Variants in PDE1A observed in about 807,000 individuals in gnomAD.
PDE1A encodes the protein dual specificity calcium/calmodulin-dependent 3',5'-cyclic nucleotide phosphodiesterase 1A.
A neutral mutation model predicts 61.7 loss-of-function variants in PDE1A; 35 were observed. That is an observed-to-expected ratio of 0.57 (90% CI 0.43 to 0.75). The LOEUF is 0.75. PDE1A is among the 30% of genes least tolerant of loss of function. PDE1A has a pLI of 0.00. For missense variants in PDE1A, 597 were observed against 630.6 expected, an observed-to-expected ratio of 0.95 and a Z score of 0.57; for synonymous variants, 232 against 213.2, an observed-to-expected ratio of 1.09 and a Z score of -0.77.
At chr2:182,329,398 T>A (rs533414259) in intron 1 of PDE1A, among the ~76,000 whole-genome samples, 5 of 148,922 alleles carry the variant, frequency 3.4e-5, no homozygotes, top group East Asian at 1.9e-4. Flanking sequence ...TTTTATTATT[T>A]TTTTTTTGGA....
intron 13 of PDE1A, among the ~76,000 whole-genome samples, chr2:182,151,301 A>G (rs1161818890): frequency 6.6e-6 from 1 of 151,976 alleles, no homozygotes; most frequent in Non-Finnish European, 1.5e-5. Context: ...CACAGGTTTC[A>G]CCATTTTGGC....
At chr2:182,681,803 G>A in the PDE1A span, among the ~76,000 whole-genome samples, 134 of 151,906 alleles carry the variant, frequency 8.8e-4, 1 homozygote, top group African/African-American at 3.1e-3. Context: ...CCGCCACCTC[G>A]CCCAGCTAAT....
intron 2 of PDE1A, among the ~76,000 whole-genome samples, chr2:182,498,898 G>T (rs976606710): frequency 6.6e-6 from 1 of 151,872 alleles, no homozygotes; most frequent in African/African-American, 2.4e-5. Flanking sequence ...GAGCGGAAAT[G>T]CGCCACTGCA....
chr2:182,547,393 GT>G, the PDE1A span, among the ~76,000 whole-genome samples: 3 of 152,152 alleles, frequency 2.0e-5, no homozygotes, highest in Non-Finnish European at 4.4e-5. Flanking sequence ...AAGTTGATGT[GT>G]TTTAACCCTC....
chr2:182,412,237 T>C (rs1702660756), intron 1 of PDE1A, among the ~76,000 whole-genome samples: 1 of 152,170 alleles, frequency 6.6e-6, no homozygotes, highest in Admixed American at 6.5e-5. Context: ...CTAAATATAA[T>C]CATTTTGAAG....
the PDE1A span, among the ~76,000 whole-genome samples, chr2:182,628,583 A>G: frequency 1.3e-4 from 20 of 152,318 alleles, no homozygotes; most frequent in South Asian, 4.1e-3. Flanking sequence ...GCATCAATGT[A>G]TAGTATTAGT....
At chr2:182,431,139 A>C (rs925953210), upstream of PDE1A, among the ~76,000 whole-genome samples, 15 of 148,528 alleles carry the variant, frequency 1.0e-4, no homozygotes, top group African/African-American at 3.4e-4. Flanking sequence ...AAAAAAAAAA[A>C]AACACAACAC....
At chr2:182,360,025 T>C (rs1165022564) in intron 1 of PDE1A, among the ~76,000 whole-genome samples, 1 of 152,114 alleles carries the variant, frequency 6.6e-6, no homozygotes, top group African/African-American at 2.4e-5. Flanking sequence ...TAATGTAGCA[T>C]TCCTCTTTCT....
At chr2:182,438,494 A>G (rs1403439347) in intron 2 of PDE1A, among the ~76,000 whole-genome samples, 1 of 152,028 alleles carries the variant, frequency 6.6e-6, no homozygotes, top group Non-Finnish European at 1.5e-5. Flanking sequence ...AAGGAACAAA[A>G]GAGGCAAAGA....
chr2:182,163,629 G>A (rs1031446182), downstream of PDE1A, among the ~76,000 whole-genome samples: 1 of 152,120 alleles, frequency 6.6e-6, no homozygotes, highest in Non-Finnish European at 1.5e-5. Context: ...CCCTTCTAAA[G>A]TAAAGAGTTG....
chr2:182,191,850 T>A (rs561688375), intron 10 of PDE1A, among the ~76,000 whole-genome samples: 5 of 151,578 alleles, frequency 3.3e-5, no homozygotes, highest in African/African-American at 4.8e-5. Flanking sequence ...TACTTTCTTT[T>A]TTTTTTTATT....
chr2:182,256,354 C>T (rs1040648037), intron 2 of PDE1A, among the ~76,000 whole-genome samples: 1 of 149,528 alleles, frequency 6.7e-6, no homozygotes, highest in Non-Finnish European at 1.5e-5. Context: ...TTTGTTCTTG[C>T]GATAGTTTAC....
chr2:182,608,716 C>T, the PDE1A span, among the ~76,000 whole-genome samples: 368 of 152,346 alleles, frequency 2.4e-3, 1 homozygote, highest in African/African-American at 8.5e-3. Context: ...GGAGCCTCCC[C>T]GACCAGCGCC....
chr2:182,196,921 T>C (rs1686181060), intron 10 of PDE1A, among the ~76,000 whole-genome samples: 7 of 151,758 alleles, frequency 4.6e-5, no homozygotes, highest in African/African-American at 9.7e-5. Context: ...TAAATACTCA[T>C]TTATCTAGGG....
At chr2:182,646,470 A>T in the PDE1A span, among the ~76,000 whole-genome samples, 1 of 151,060 alleles carries the variant, frequency 6.6e-6, no homozygotes, top group Non-Finnish European at 1.5e-5. Context: ...CGGGCAGATC[A>T]CAAGGTCAGG....
At chr2:182,205,363 A>G (rs979833262) in intron 8 of PDE1A, among the ~76,000 whole-genome samples, 3 of 152,166 alleles carry the variant, frequency 2.0e-5, no homozygotes, top group Non-Finnish European at 2.9e-5. Flanking sequence ...AAGAAAGGTT[A>G]TAAGAGGGAT....
intron 2 of PDE1A, among the ~76,000 whole-genome samples, chr2:182,479,618 G>A (rs373419441): frequency 6.6e-6 from 1 of 151,640 alleles, no homozygotes; most frequent in African/African-American, 2.4e-5. Context: ...ATGCGTTAAT[G>A]TGCAGATTGT....
chr2:182,544,485 A>G, the PDE1A span, among the ~76,000 whole-genome samples: 1,641 of 152,286 alleles, frequency 0.011, 19 homozygotes, highest in Middle Eastern at 0.034. Flanking sequence ...AATATTCATA[A>G]AAACATGGGA....
chr2:182,168,672 A>C (rs1488746731), intron 13 of PDE1A, among the ~76,000 whole-genome samples: 1 of 152,140 alleles, frequency 6.6e-6, no homozygotes, highest in African/African-American at 2.4e-5. Flanking sequence ...TTGTCTGCTA[A>C]CAAATAGTAT....
Sources: allele counts gnomAD v4.1 joint callset (sites outside exome capture counted in the v4.1 genomes callset), GRCh38; gene constraint gnomAD v4.1.1; transcripts MANE v1.5; gene names NCBI Gene and HGNC (gene_info 2026-07-23, HGNC 2026-07-21).